The following PLPP4 variants were observed in gnomAD, a reference collection of about 807,000 sequenced individuals.
The protein encoded by PLPP4 is phospholipid phosphatase 4.
Under a neutral mutation model 32.2 loss-of-function variants are expected in PLPP4, and 20 were observed. That is an observed-to-expected ratio of 0.62 (90% CI 0.44 to 0.90). The LOEUF (loss-of-function observed/expected upper bound fraction) is 0.90, where lower values mean the gene tolerates loss of function less well. Ranked by LOEUF, PLPP4 falls within the 40% of genes least tolerant of loss-of-function variation. PLPP4 has a pLI of 0.00. For synonymous variants in PLPP4, 127 were observed against 133.0 expected, an observed-to-expected ratio of 0.95 and a Z score of 0.31; for missense variants, 257 against 353.1, an observed-to-expected ratio of 0.73 and a Z score of 2.18.
chr10:120,584,333 AGCTGCAAATTGCTGATACG>A (rs1490911776), intron 6 of PLPP4, among the ~76,000 whole-genome samples: 1 of 152,208 alleles, frequency 6.6e-6, no homozygotes, highest in East Asian at 1.9e-4. Context: ...TGCTTACCAT[AGCTGCAAATTGCTGATACG>A]GCTGTCATTG....
intron 1 of PLPP4, among the ~76,000 whole-genome samples, chr10:120,473,618 C>T (rs1843760005): frequency 6.6e-6 from 1 of 152,144 alleles, no homozygotes; most frequent in Non-Finnish European, 1.5e-5. Context: ...CATCCCCACC[C>T]AAATCTCATG....
chr10:120,501,340 G>A (rs979574752), intron 1 of PLPP4, among the ~76,000 whole-genome samples: 6 of 152,196 alleles, frequency 3.9e-5, no homozygotes, highest in Admixed American at 3.3e-4. Flanking sequence ...GGAGCAGGGA[G>A]TAGGTTGTCA....
intron 5 of PLPP4, among the ~76,000 whole-genome samples, chr10:120,530,126 A>G (rs989564): frequency 0.46 from 69,581 of 152,088 alleles, 16,369 homozygotes; most frequent in East Asian, 0.59. Context: ...AATGATGATG[A>G]TTCTTAAAGT....
Position 120,470,072 on chromosome 10 carries a change from T to C in PLPP4, c.56+12711T>C, listed in dbSNP as rs77778533. On this transcript the variant is annotated intron_variant, in intron 1 of 6. Coordinates refer to ENST00000398250, the MANE Select transcript of PLPP4 (RefSeq NM_001030059.3). ...AATTGTCCACCCAAAGAGCTACACATATTTACATTTCACCACAGTTGTGTG... is the reference window on the plus strand; with the variant it reads ...AATTGTCCACCCAAAGAGCTACACACATTTACATTTCACCACAGTTGTGTG... 5.7e-3 allele frequency among the ~76,000 whole-genome samples: 862 copies of C among 152,344 alleles called. 11 individuals carry two copies. Among genetic ancestry groups the C allele is most frequent in the African/African-American group, 0.02 (836 of 41,586 alleles).
intron 1 of PLPP4, among the ~76,000 whole-genome samples, chr10:120,491,429 A>T (rs191148104): frequency 6.6e-6 from 1 of 152,186 alleles, no homozygotes; most frequent in Non-Finnish European, 1.5e-5. Flanking sequence ...AAGGTGACTC[A>T]TTTTGTGACT....
At position 120,553,160 on chromosome 10, in the gene PLPP4, C is replaced by T. The variant is rs1447330492; in HGVS notation, c.446-21971C>T. On this transcript the variant is annotated intron_variant, in intron 5 of 6. Coordinates refer to ENST00000398250, the MANE Select transcript of PLPP4 (RefSeq NM_001030059.3). ...GCCAAATCCTGGTGGGAGCCTCTTA[C>T]TCTTTCTCAGTTACCATTGGTTATT... Among the ~76,000 whole-genome samples, 8 of 152,208 alleles carry T rather than the reference C, an allele frequency of 5.3e-5. 1 individual carries two copies. Among genetic ancestry groups the T allele is most frequent in the South Asian group, 4.1e-4 (2 of 4,832 alleles).
intron 1 of PLPP4, among the ~76,000 whole-genome samples, chr10:120,495,221 C>CT (rs200864202): frequency 0.014 from 2,173 of 152,286 alleles, 37 homozygotes; most frequent in Admixed American, 0.04. Flanking sequence ...AAGTGAAGGG[C>CT]TTGGCATGAG....
Position 120,589,803 on chromosome 10 carries a change from CTA to C in PLPP4, c.*303_*304del, listed in dbSNP as rs1368727186. The C allele has an allele frequency of 2.9e-6, 1 of 340,902 alleles. No homozygotes were observed. The highest frequency in any genetic ancestry group is 8.1e-4 in the Middle Eastern group (1 of 1,236). The allele number at this position is 340,902 out of a possible 1,614,324, so 21.1% of individuals were successfully genotyped here. ...AATGTTTGCTGTAACAGCCACCTTC[CTA>C]TGTTTTCATGGTTGTAAAACATAAT... On this transcript the variant is annotated 3_prime_UTR_variant, in exon 7 of 7. Transcript: ENST00000398250.
At chr10:120,520,915 G>A in intron 4 of PLPP4, 56 bp from the exon 5 acceptor site, 1 of 1,605,880 alleles carries the variant, frequency 6.2e-7, no homozygotes, top group Middle Eastern at 1.7e-4. Flanking sequence ...GGTCAGCTTG[G>A]GGTCATTTGT....
chr10:120,489,174 A>G (rs540284073), intron 1 of PLPP4, among the ~76,000 whole-genome samples: 1 of 152,352 alleles, frequency 6.6e-6, no homozygotes, highest in East Asian at 1.9e-4. Context: ...GGGCTGATAT[A>G]GCTCCATCAG....
chr10:120,486,246 C>T (rs1844441684), intron 1 of PLPP4, among the ~76,000 whole-genome samples: 1 of 131,434 alleles, frequency 7.6e-6, no homozygotes, highest in South Asian at 2.5e-4. Context: ...AGAGGCTTTC[C>T]TCCCATTTCA....
chr10:120,577,433 A>T (rs1849273267), intron 6 of PLPP4, among the ~76,000 whole-genome samples: 1 of 152,140 alleles, frequency 6.6e-6, no homozygotes, highest in Non-Finnish European at 1.5e-5. Flanking sequence ...ACATGGCCAG[A>T]GTAAAGGAAT....
chr10:120,588,841 T>A (rs901234270), intron 6 of PLPP4, among the ~76,000 whole-genome samples: 3 of 151,922 alleles, frequency 2.0e-5, no homozygotes, highest in African/African-American at 7.3e-5. Context: ...AGGTCAGGAG[T>A]TCGAGACCAG....
intron 5 of PLPP4, among the ~76,000 whole-genome samples, chr10:120,530,259 C>T (rs895001091): frequency 2.6e-5 from 4 of 152,076 alleles, no homozygotes; most frequent in Admixed American, 6.5e-5. Context: ...TCCATAACAC[C>T]GAAATCTCTC....
At chr10:120,459,219 T>G (rs563604749) in intron 1 of PLPP4, among the ~76,000 whole-genome samples, 2 of 152,352 alleles carry the variant, frequency 1.3e-5, no homozygotes, top group African/African-American at 4.8e-5. Context: ...TTCCCTCTTG[T>G]GTTACTTAAT....
rs144866065 is a variant in PLPP4, at chr10:120,589,800, T to C, written c.*298T>C. The C allele has an allele frequency of 6.4e-5, 22 of 342,354 alleles. No individual in the cohort carries two copies. The highest frequency in any genetic ancestry group is 3.7e-4 in the African/African-American group (18 of 48,100). 21.2% of individuals were successfully genotyped at this position (342,354 alleles called of 1,614,324 possible). On this transcript the variant is annotated 3_prime_UTR_variant, in exon 7 of 7. Transcript: ENST00000398250. ...TGAAATGTTTGCTGTAACAGCCACC[T>C]TCCTATGTTTTCATGGTTGTAAAAC...
chr10:120,564,314 A>G (rs1848588598), intron 5 of PLPP4, among the ~76,000 whole-genome samples: 1 of 152,014 alleles, frequency 6.6e-6, no homozygotes, highest in Non-Finnish European at 1.5e-5. Flanking sequence ...ATTCAATTGC[A>G]TTATGGTCAG....
intron 5 of PLPP4, among the ~76,000 whole-genome samples, chr10:120,563,315 A>T (rs568117881): frequency 1.1e-4 from 16 of 152,366 alleles, no homozygotes; most frequent in African/African-American, 3.8e-4. Context: ...TCAAACATAA[A>T]TTGGAAAATA....
At chr10:120,551,142 G>A (rs559969542) in intron 5 of PLPP4, among the ~76,000 whole-genome samples, 1 of 152,096 alleles carries the variant, frequency 6.6e-6, no homozygotes, top group Admixed American at 6.6e-5. Context: ...CACATGAAAA[G>A]GTGCTCCATT....
Sources: gnomAD v4.1 joint callset for allele counts (sites outside exome capture counted in the v4.1 genomes callset) on GRCh38, gnomAD v4.1.1 for gene constraint, MANE v1.5 for transcripts, NCBI Gene and HGNC (gene_info 2026-07-23, HGNC 2026-07-21) for gene names.